The following PARP14 variants were observed in gnomAD, a reference collection of about 807,000 sequenced individuals.
The protein encoded by PARP14 is protein mono-ADP-ribosyltransferase PARP14.
Under a neutral mutation model 154.2 loss-of-function variants are expected in PARP14, and 59 were observed. The ratio of observed to expected loss-of-function variants is 0.38; its 90% CI spans 0.31 to 0.48. PARP14 has a LOEUF of 0.48. Ranked by LOEUF, PARP14 falls within the 20% of genes least tolerant of loss-of-function variation. PARP14 has a pLI of 0.98. For missense variants in PARP14, 1,734 were observed against 2,131.6 expected (o/e 0.81, Z 3.67); for synonymous variants, 720 against 780.5 (o/e 0.92, Z 1.29).
intron 6 of PARP14, among the ~76,000 whole-genome samples, chr3:122,702,993 T>TAAAAAAAA (rs10707029): frequency 4.8e-5 from 4 of 83,940 alleles, no homozygotes; most frequent in East Asian, 3.2e-4. Flanking sequence ...CCCTCTCTCT[T>TAAAAAAAA]AAAAAAAAAA....
intron 15 of PARP14, chr3:122,722,421 A>T (rs1385677260): frequency 6.6e-6 from 1 of 152,226 alleles, no homozygotes; most frequent in African/African-American, 2.4e-5. Context: ...CTAAGTTTAG[A>T]TTGAGCAGGA....
At position 122,708,262 on chromosome 3, in the gene PARP14, A is replaced by G; in HGVS notation, c.3613A>G (p.Thr1205Ala). 6.5e-7 allele frequency: 1 copy of G among 1,547,322 alleles called. No individual in the cohort carries two copies. The highest frequency in any genetic ancestry group is 8.8e-7 in the Non-Finnish European group (1 of 1,135,474). ...VSDKIPKAKD[T>A]QGFYGTVSSP... The stretch of plus-strand genomic sequence containing the variant: ...TGACAAAATTCCGAAGGCTAAAGAT[A>G]CACAAGGTTCAGTAAAGCTTCTAAA... Residue 1205 changes from threonine (T) to alanine (A), a missense_variant, in exon 9 of 17, where the codon ACA (threonine) becomes GCA (alanine). Thr to Ala is a moderately conservative substitution (Grantham distance 58). This residue lies in a region of PARP14 where 1,646 missense variants were observed against 1,976.0 expected (regional missense o/e 0.83). Transcript: ENST00000474629.
chr3:122,702,138 G>T (rs1290936149), intron 6 of PARP14, among the ~76,000 whole-genome samples: 3 of 152,200 alleles, frequency 2.0e-5, no homozygotes, highest in African/African-American at 7.2e-5. Context: ...GGAAGTTACA[G>T]GTGCCAGGCA....
chr3:122,693,851 AAAAAG>A (rs1244669066), intron 4 of PARP14, among the ~76,000 whole-genome samples: 1 of 148,160 alleles, frequency 6.7e-6, no homozygotes, highest in Non-Finnish European at 1.5e-5. Flanking sequence ...TGAAAAAAAA[AAAAAG>A]AAAAGAAAAG....
intron 2 of PARP14, among the ~76,000 whole-genome samples, chr3:122,686,546 A>G (rs532768236): frequency 4.2e-5 from 6 of 141,258 alleles, no homozygotes; most frequent in African/African-American, 1.6e-4. Context: ...GTAATCTTGA[A>G]CTCCTGGGCT....
Position 122,692,372 on chromosome 3 carries a change from G to T in PARP14, c.427G>T (p.Glu143Ter). The change falls in exon 4 of 17, where the codon GAA becomes TAA. Residue 143 changes from glutamate (E) to a stop codon, truncating the protein, a stop_gained. Transcript: ENST00000474629. LOFTEE classifies it high-confidence loss of function. ...GLDKMEDIPE[E>*]CENISSLVAF... ...AGACAAAATGGAAGATATCCCAGAG[G>T]AATGTGAAAATATTTCCTCTTTGGT... 6 of 1,613,470 alleles carry T rather than the reference G, an allele frequency of 3.7e-6. No homozygotes were observed. Among genetic ancestry groups the T allele is most frequent in the Non-Finnish European group, 4.2e-6 (5 of 1,179,466 alleles).
chr3:122,697,553 A>G (rs1938818056), intron 5 of PARP14, among the ~76,000 whole-genome samples: 1 of 152,250 alleles, frequency 6.6e-6, no homozygotes, highest in African/African-American at 2.4e-5. Context: ...CACCATTCAC[A>G]ATGGGTTGCC....
intron 3 of PARP14, among the ~76,000 whole-genome samples, chr3:122,689,224 C>T (rs1030177653): frequency 2.0e-5 from 3 of 152,166 alleles, no homozygotes; most frequent in African/African-American, 7.2e-5. Context: ...TTCTGGCTTC[C>T]TCATTTCTCT....
intron 9 of PARP14, among the ~76,000 whole-genome samples, chr3:122,711,211 T>A (rs2107649653): frequency 6.6e-6 from 1 of 152,340 alleles, no homozygotes; most frequent in Non-Finnish European, 1.5e-5. Context: ...CAATATGATG[T>A]TGGCTGTGGA....
intron 5 of PARP14, among the ~76,000 whole-genome samples, chr3:122,698,538 G>A (rs1394201610): frequency 6.6e-6 from 1 of 152,166 alleles, no homozygotes; most frequent in Non-Finnish European, 1.5e-5. Flanking sequence ...ATTTGGTAGA[G>A]GGGCAAGAGG....
chr3:122,700,135 G>T lies in PARP14; in HGVS notation c.1581G>T (p.Lys527Asn), dbSNP rs527995936. The change falls in exon 6 of 17, where the codon AAG becomes AAT. Residue 527 changes from lysine to asparagine, a missense_variant. Coordinates refer to ENST00000474629, the MANE Select transcript of PARP14 (RefSeq NM_017554.3). ...AAGCAAAGTGTGAAATCCAGGAAAA[G>T]GTGTACACCATGGCTCAGAAAAACA... ...VYKAKCEIQE[K>N]VYTMAQKNIQ... 3.3e-5 allele frequency: 53 copies of T among 1,613,642 alleles called. No homozygotes were observed. The highest frequency in any genetic ancestry group is 1.9e-4 in the South Asian group (17 of 91,028).
intron 14 of PARP14, among the ~76,000 whole-genome samples, chr3:122,719,564 G>A (rs563129748): frequency 6.6e-6 from 1 of 152,150 alleles, no homozygotes; most frequent in Admixed American, 6.5e-5. Context: ...TCCTACCTTC[G>A]AACCAGATTA....
chr3:122,703,631 T>C (rs1387232771), intron 6 of PARP14, 111 bp from the exon 7 acceptor site: 2 of 623,266 alleles, frequency 3.2e-6, no homozygotes, highest in Non-Finnish European at 5.7e-6. Flanking sequence ...ACTGAAACCG[T>C]AGTCATCTTA....
intron 3 of PARP14, 44 bp from the exon 4 acceptor site, chr3:122,692,257 G>A: frequency 6.4e-7 from 1 of 1,559,214 alleles, no homozygotes; most frequent in Non-Finnish European, 8.7e-7. Context: ...GACCATGGTA[G>A]ATAAGTATAA....
intron 15 of PARP14, among the ~76,000 whole-genome samples, chr3:122,724,200 A>C (rs1185201043): frequency 2.0e-5 from 3 of 152,180 alleles, no homozygotes; most frequent in Non-Finnish European, 2.9e-5. Context: ...GTGAGAAACC[A>C]AAAGTCGTGT....
rs1933076224 is a variant in PARP14 at position 122,718,918 on chromosome 3, G to C, written c.4767G>C (p.Lys1589Asn). The C allele has an allele frequency of 1.9e-6, 3 of 1,610,976 alleles. No homozygotes were observed. The highest frequency in any genetic ancestry group is 4.5e-5 in the East Asian group (2 of 44,864). Reference sequence around the variant, plus strand: ...ACACATACACTGCCACAGACACAAAGGGCCACAGTTTATCTGTTCAGCGCC... The same window carrying C: ...ACACATACACTGCCACAGACACAAACGGCCACAGTTTATCTGTTCAGCGCC... Reference protein sequence around the residue: ...NLNTYTATDTKGHSLSVQRLT... With the variant: ...NLNTYTATDTNGHSLSVQRLT... The change falls in exon 14 of 17, where the codon AAG becomes AAC. Residue 1589 changes from lysine (K) to asparagine (N), a missense_variant. By Grantham distance (94) the Lys-to-Asn change is moderately conservative. This residue lies in a region of PARP14 where 1,646 missense variants were observed against 1,976.0 expected (regional missense o/e 0.83). Coordinates refer to ENST00000474629, the MANE Select transcript of PARP14 (RefSeq NM_017554.3).
intron 3 of PARP14, among the ~76,000 whole-genome samples, chr3:122,687,565 G>A (rs911501250): frequency 3.9e-5 from 6 of 152,194 alleles, no homozygotes; most frequent in Non-Finnish European, 7.3e-5. Flanking sequence ...TGTGAACATA[G>A]GCTTTTGAGC....
At chr3:122,686,732 G>A (rs752719165) in intron 2 of PARP14, 37 of 196,486 alleles carry the variant, frequency 1.9e-4, no homozygotes, top group African/African-American at 4.7e-5. Context: ...CTCCCAAAAT[G>A]CTGAAATTAC....
Position 122,708,248 on chromosome 3 carries a change from C to G in PARP14, c.3599C>G (p.Pro1200Arg). Residue 1200 changes from proline to arginine, a missense_variant, in exon 9 of 17, where the codon CCG (proline) becomes CGG (arginine). This residue lies in a region of PARP14 where 1,646 missense variants were observed against 1,976.0 expected (regional missense o/e 0.83). Transcript: ENST00000474629. ...ANGNLVSDKI[P>R]KAKDTQGFYG... ...GGAAATCTCGTCAGTGACAAAATTC[C>G]GAAGGCTAAAGATACACAAGGTTCA... 1 of 1,567,132 alleles carries G rather than the reference C, an allele frequency of 6.4e-7. No individual in the cohort carries two copies. Among genetic ancestry groups the G allele is most frequent in the Non-Finnish European group, 8.7e-7 (1 of 1,152,008 alleles).
Sources: allele counts gnomAD v4.1 joint callset (sites outside exome capture counted in the v4.1 genomes callset), GRCh38; gene constraint gnomAD v4.1.1; regional missense constraint gnomAD v4.1.1; transcripts MANE v1.5; gene names NCBI Gene and HGNC (gene_info 2026-07-23, HGNC 2026-07-21).